DENND5B: variants seen among roughly 807,000 people sequenced by gnomAD.
DENND5B encodes the protein DENN domain-containing protein 5B.
A neutral mutation model predicts 140.6 loss-of-function variants in DENND5B; 34 were observed. That is an observed-to-expected ratio of 0.24 (90% CI 0.18 to 0.32). DENND5B has a LOEUF of 0.32. Ranked by LOEUF, DENND5B falls within the 10% of genes least tolerant of loss-of-function variation. The pLI is 1.00. For missense variants in DENND5B, 1,142 were observed against 1,560.2 expected (o/e 0.73, Z 4.52); for synonymous variants, 551 against 562.1 (o/e 0.98, Z 0.28).
intron 1 of DENND5B, among the ~76,000 whole-genome samples, chr12:31,520,863 C>A (rs910979907): frequency 1.3e-5 from 2 of 151,410 alleles, no homozygotes; most frequent in African/African-American, 2.4e-5. Flanking sequence ...ACAACAACAA[C>A]AACAAAAACA....
At chr12:31,431,974 A>G (rs1289408051) in intron 8 of DENND5B, 1 of 806,680 alleles carries the variant, frequency 1.2e-6, no homozygotes, top group Non-Finnish European at 1.5e-6. Context: ...CACATGTGTA[A>G]CATTCAAGTA....
rs1024226956 is a variant in DENND5B at position 31,386,084 on chromosome 12, T to G, written c.*1519A>C. 1 of 154,414 alleles carries G rather than the reference T, an allele frequency of 6.5e-6. No homozygotes were observed. 9.6% of individuals were successfully genotyped at this position (154,414 alleles called of 1,614,324 possible). ...TTTGATAAAGGGAGTTAGGCACTTG[T>G]TTCATCTGTTTCTTCCTCCAGGAAA... On this transcript the variant is annotated 3_prime_UTR_variant, in exon 21 of 21. Coordinates refer to ENST00000389082, the MANE Select transcript of DENND5B (RefSeq NM_144973.4).
At chr12:31,417,016 C>T (rs1942781267) in intron 11 of DENND5B, among the ~76,000 whole-genome samples, 1 of 141,036 alleles carries the variant, frequency 7.1e-6, no homozygotes, top group Admixed American at 7.3e-5. Context: ...CATCTGAGCC[C>T]ACCACTGCAC....
intron 1 of DENND5B, among the ~76,000 whole-genome samples, chr12:31,529,977 C>A (rs375299693): frequency 7.2e-5 from 11 of 152,132 alleles, no homozygotes; most frequent in African/African-American, 2.4e-4. Flanking sequence ...AAATTAAACA[C>A]CATAGCACTA....
At chr12:31,464,466 A>C (rs1010401572) in intron 3 of DENND5B, among the ~76,000 whole-genome samples, 1 of 152,074 alleles carries the variant, frequency 6.6e-6, no homozygotes, top group Non-Finnish European at 1.5e-5. Context: ...TATTCATCTC[A>C]CTGAAACATT....
intron 14 of DENND5B, among the ~76,000 whole-genome samples, chr12:31,407,306 T>C (rs929720463): frequency 6.6e-6 from 1 of 151,910 alleles, no homozygotes; most frequent in Non-Finnish European, 1.5e-5. Context: ...AATTTTTGTA[T>C]TTTTAGTAGA....
chr12:31,506,619 C>A (rs1947213729), intron 1 of DENND5B, among the ~76,000 whole-genome samples: 1 of 152,202 alleles, frequency 6.6e-6, no homozygotes, highest in South Asian at 2.1e-4. Flanking sequence ...AGGCTACCTG[C>A]ACTTCTAACA....
intron 2 of DENND5B, among the ~76,000 whole-genome samples, chr12:31,482,577 C>CT (rs910736014): frequency 4.4e-4 from 65 of 147,434 alleles, no homozygotes; most frequent in Admixed American, 9.5e-4. Flanking sequence ...GCTGTTGCTT[C>CT]TTTTTTTTTT....
At chr12:31,565,441 C>T (rs1949592915) in intron 1 of DENND5B, among the ~76,000 whole-genome samples, 1 of 152,158 alleles carries the variant, frequency 6.6e-6, no homozygotes, top group Admixed American at 6.5e-5. Context: ...ATACATCTTG[C>T]TTATGTGGAT....
chr12:31,390,299 C>T (rs1261841806), intron 19 of DENND5B, among the ~76,000 whole-genome samples: 2 of 152,216 alleles, frequency 1.3e-5, no homozygotes, highest in South Asian at 2.1e-4. Flanking sequence ...TGAAATGTGG[C>T]CAGTGTTATT....
chr12:31,395,192 G>GT (rs1287321994), intron 17 of DENND5B, among the ~76,000 whole-genome samples: 1 of 152,196 alleles, frequency 6.6e-6, no homozygotes, highest in Non-Finnish European at 1.5e-5. Context: ...CAAGCGTACG[G>GT]TAAGTGTGCA....
At chr12:31,424,459 C>T in intron 10 of DENND5B, 76 bp downstream of exon 10, 1 of 1,422,580 alleles carries the variant, frequency 7.0e-7, no homozygotes. Flanking sequence ...TTTTTAATGA[C>T]ATATTTGTCT....
At chr12:31,561,725 T>C (rs16918738) in intron 1 of DENND5B, among the ~76,000 whole-genome samples, 1,729 of 152,286 alleles carry the variant, frequency 0.011, 19 homozygotes, top group East Asian at 0.032. Flanking sequence ...TATTCAAACA[T>C]ACATTGAGCG....
At chr12:31,409,470 A>C (rs1363445656) in intron 13 of DENND5B, 86 bp from the exon 14 acceptor site, 20 of 541,374 alleles carry the variant, frequency 3.7e-5, no homozygotes, top group Non-Finnish European at 4.8e-5. Flanking sequence ...ACTTTTCATT[A>C]TGTCTTTTTT....
chr12:31,418,454 T>TG (rs942731929), intron 11 of DENND5B, among the ~76,000 whole-genome samples: 1 of 151,230 alleles, frequency 6.6e-6, no homozygotes, highest in African/African-American at 2.4e-5. Context: ...AATTTTTGTG[T>TG]GTTTTTTTTT....
At chr12:31,531,719 G>A (rs1948292106) in intron 1 of DENND5B, among the ~76,000 whole-genome samples, 1 of 152,114 alleles carries the variant, frequency 6.6e-6, no homozygotes, top group African/African-American at 2.4e-5. Flanking sequence ...ATGAATTGAA[G>A]AATCTCATTA....
chr12:31,590,522 C>G (rs1308431295), intron 1 of DENND5B, 184 bp downstream of exon 1: 2 of 731,326 alleles, frequency 2.7e-6, no homozygotes, highest in Non-Finnish European at 3.9e-6. Flanking sequence ...AGCCGCAAAG[C>G]CCGCACGCGG....
chr12:31,411,774 T>C (rs1003838779), intron 13 of DENND5B, among the ~76,000 whole-genome samples: 10 of 152,174 alleles, frequency 6.6e-5, no homozygotes, highest in African/African-American at 9.7e-5. Flanking sequence ...CTGAAAATGC[T>C]CCAGGGGGTA....
At chr12:31,483,124 T>C (rs1196985334) in intron 2 of DENND5B, among the ~76,000 whole-genome samples, 1 of 152,220 alleles carries the variant, frequency 6.6e-6, no homozygotes, top group Admixed American at 6.5e-5. Context: ...TCATTCCTTG[T>C]GGCAGATATA....
Sources: allele counts gnomAD v4.1 joint callset (sites outside exome capture counted in the v4.1 genomes callset), GRCh38; gene constraint gnomAD v4.1.1; transcripts MANE v1.5; gene names NCBI Gene and HGNC (gene_info 2026-07-23, HGNC 2026-07-21).